SUPT3H: variants seen among roughly 807,000 people sequenced by gnomAD.
The protein encoded by SUPT3H is transcription initiation protein SPT3 homolog.
Under a neutral mutation model 44.3 loss-of-function variants are expected in SUPT3H, and 44 were observed. The ratio of observed to expected loss-of-function variants is 0.99; its 90% CI spans 0.78 to 1.28. The LOEUF is 1.28. Ranked by LOEUF, SUPT3H falls within the 50% of genes most tolerant of loss-of-function variation. SUPT3H has a pLI of 0.00. For synonymous variants in SUPT3H, 124 were observed against 125.6 expected, an observed-to-expected ratio of 0.99 and a Z score of 0.09; for missense variants, 380 against 387.1, an observed-to-expected ratio of 0.98 and a Z score of 0.15.
intron 2 of SUPT3H, among the ~76,000 whole-genome samples, chr6:45,259,737 T>C (rs1774049729): frequency 6.6e-6 from 1 of 152,114 alleles, no homozygotes; most frequent in South Asian, 2.1e-4. Context: ...CTCTGGTGTC[T>C]AGTCTGGGCC....
At chr6:44,891,979 TTCTATTCTTTTATATA>T (rs1763385153) in intron 10 of SUPT3H, among the ~76,000 whole-genome samples, 1 of 152,028 alleles carries the variant, frequency 6.6e-6, no homozygotes, top group Non-Finnish European at 1.5e-5. Flanking sequence ...CATCAAAATG[TTCTATTCTTTTATATA>T]TTTATTATTT....
intron 9 of SUPT3H, among the ~76,000 whole-genome samples, chr6:44,938,302 A>G (rs1039741112): frequency 1.3e-5 from 2 of 151,992 alleles, no homozygotes; most frequent in African/African-American, 4.8e-5. Context: ...TGCTGATCCA[A>G]TTCCCCAGCT....
chr6:45,158,462 T>C (rs1429999298), intron 2 of SUPT3H, among the ~76,000 whole-genome samples: 1 of 151,518 alleles, frequency 6.6e-6, no homozygotes, highest in African/African-American at 2.4e-5. Flanking sequence ...AAGTAAATCT[T>C]GGGCCCTAGA....
chr6:44,842,623 A>T (rs1020352921), intron 10 of SUPT3H, among the ~76,000 whole-genome samples: 49 of 152,060 alleles, frequency 3.2e-4, no homozygotes, highest in African/African-American at 5.5e-4. Flanking sequence ...TTTTTTTTTA[A>T]AAAAATGCTT....
intron 2 of SUPT3H, among the ~76,000 whole-genome samples, chr6:45,289,578 T>C (rs552571583): frequency 6.6e-6 from 1 of 152,188 alleles, no homozygotes; most frequent in Non-Finnish European, 1.5e-5. Context: ...CTTAGTGGCA[T>C]ATTAAAGAGA....
rs115490226 is a variant in SUPT3H at position 45,188,041 on chromosome 6, A to G, written c.102-82035T>C. Among the ~76,000 whole-genome samples the G allele has an allele frequency of 4.1e-3, 624 of 152,350 alleles. 6 individuals are homozygous for G. Among genetic ancestry groups the G allele is most frequent in the African/African-American group, 0.014 (585 of 41,584 alleles). On this transcript the variant is annotated intron_variant, in intron 2 of 10. Transcript: ENST00000371459. ...CCAGGACATGAATCACCCCTTTGTT[A>G]AGCCTGTACACACTTCTATAGGCTA...
intron 2 of SUPT3H, among the ~76,000 whole-genome samples, chr6:45,142,390 C>T (rs1343058892): frequency 6.6e-6 from 1 of 152,042 alleles, no homozygotes; most frequent in Non-Finnish European, 1.5e-5. Context: ...TACAACAGTA[C>T]ATCACATCTC....
chr6:45,238,474 T>C (rs1417184706), intron 2 of SUPT3H, among the ~76,000 whole-genome samples: 1 of 152,158 alleles, frequency 6.6e-6, no homozygotes, highest in East Asian at 1.9e-4. Context: ...TTAGAGGAGA[T>C]CCTAGTCTCA....
intron 3 of SUPT3H, among the ~76,000 whole-genome samples, chr6:45,037,747 T>C (rs1356340565): frequency 6.6e-6 from 1 of 150,920 alleles, no homozygotes; most frequent in African/African-American, 2.4e-5. Flanking sequence ...GTAGTTTATT[T>C]CAGTAGGAAA....
intron 2 of SUPT3H, among the ~76,000 whole-genome samples, chr6:45,330,019 G>A (rs1787131104): frequency 1.3e-5 from 2 of 151,786 alleles, no homozygotes; most frequent in Admixed American, 6.6e-5. Flanking sequence ...GATACTACTA[G>A]AGGATCAGTC....
At position 45,328,635 on chromosome 6, in the gene SUPT3H, G is replaced by C. The variant is rs770279584; in HGVS notation, c.101+36566C>G. On this transcript the variant is annotated intron_variant, in intron 2 of 10. Transcript: ENST00000371459. ...CAGGCATACTGTAAAACTAAAACAA[G>C]GTTTGGGTATGGTTTGTATTTTCAG... The C allele has an allele frequency of 8.7e-6, 14 of 1,609,992 alleles. No individual in the cohort carries two copies. The South Asian group carries it at 1.5e-4, about 18-fold the overall frequency.
intron 3 of SUPT3H, among the ~76,000 whole-genome samples, chr6:45,085,799 A>C (rs1762414103): frequency 6.6e-6 from 1 of 152,146 alleles, no homozygotes; most frequent in Admixed American, 6.6e-5. Flanking sequence ...ATGATTAATA[A>C]GTAGTTGATG....
intron 10 of SUPT3H, among the ~76,000 whole-genome samples, chr6:44,877,688 C>T (rs1777536049): frequency 6.6e-6 from 1 of 152,092 alleles, no homozygotes; most frequent in South Asian, 2.1e-4. Context: ...TTAAACAGAC[C>T]TAAGATTGCA....
intron 2 of SUPT3H, among the ~76,000 whole-genome samples, chr6:45,165,423 A>G (rs1809682288): frequency 6.6e-6 from 1 of 152,216 alleles, no homozygotes; most frequent in Non-Finnish European, 1.5e-5. Flanking sequence ...CACAATCTAT[A>G]CTGTTCATTT....
intron 2 of SUPT3H, among the ~76,000 whole-genome samples, chr6:45,333,237 C>A (rs972505701): frequency 6.6e-6 from 1 of 151,464 alleles, no homozygotes; most frequent in South Asian, 2.1e-4. Context: ...TGTTACGATT[C>A]AAAAAATAAC....
chr6:45,097,840 C>T (rs1798007711), intron 3 of SUPT3H: 1 of 152,240 alleles, frequency 6.6e-6, no homozygotes, highest in African/African-American at 2.4e-5. Context: ...TTAGACCTAT[C>T]ATTAACAGGG....
intron 2 of SUPT3H, among the ~76,000 whole-genome samples, chr6:45,332,927 T>C (rs1446504186): frequency 6.6e-6 from 1 of 151,710 alleles, no homozygotes; most frequent in Non-Finnish European, 1.5e-5. Flanking sequence ...CCTATACCAA[T>C]GAACGCTGCA....
intron 2 of SUPT3H, among the ~76,000 whole-genome samples, chr6:45,181,762 T>C (rs1813254521): frequency 6.6e-6 from 1 of 151,170 alleles, no homozygotes; most frequent in Non-Finnish European, 1.5e-5. Context: ...ATATACCTAA[T>C]GCTAGATGAC....
chr6:45,072,170 C>T (rs943674020), intron 3 of SUPT3H, among the ~76,000 whole-genome samples: 5 of 152,068 alleles, frequency 3.3e-5, no homozygotes, highest in Admixed American at 3.3e-4. Context: ...GGGACTTCCT[C>T]CAAAGTTAAC....
Sources: allele counts gnomAD v4.1 joint callset (sites outside exome capture counted in the v4.1 genomes callset), GRCh38; gene constraint gnomAD v4.1.1; transcripts MANE v1.5; gene names NCBI Gene and HGNC (gene_info 2026-07-23, HGNC 2026-07-21).